The following ZFHX3 variants were observed in gnomAD, a reference collection of about 807,000 sequenced individuals.
ZFHX3 encodes zinc finger homeobox protein 3.
In ZFHX3, 42 loss-of-function variants were observed where a neutral mutation model predicts 279.1. That is an observed-to-expected ratio of 0.15 (90% CI 0.12 to 0.19). ZFHX3 has a LOEUF of 0.19. Ranked by LOEUF, ZFHX3 falls within the 10% of genes least tolerant of loss-of-function variation. The pLI, the probability that ZFHX3 is intolerant of heterozygous loss-of-function variation, is 1.00. For missense variants in ZFHX3, 4,981 were observed against 4,754.0 expected (o/e 1.05, Z -1.40); for synonymous variants, 2,293 against 1,957.8 (o/e 1.17, Z -4.52).
chr16:73,305,997 T>A (rs16971701), intron 4 of ZFHX3, among the ~76,000 whole-genome samples: 2,366 of 152,332 alleles, frequency 0.016, 42 homozygotes, highest in Admixed American at 0.064. Flanking sequence ...GATCTTCAAA[T>A]GCGGATTCTG....
Position 73,207,246 on chromosome 16 carries a change from G to A in ZFHX3, c.-1104+49801C>T, listed in dbSNP as rs559418726. On this transcript the variant is annotated intron_variant, in intron 5 of 17. Coordinates refer to the ZFHX3 transcript ENST00000641206. ...AGCCAGCAAGCACTAGACGACACAC[G>A]GTTCTAGAGCTTCTTGACCAATTAA... Among the ~76,000 whole-genome samples, 126 of 152,124 alleles carry A rather than the reference G, an allele frequency of 8.3e-4. 1 individual carries two copies. Among genetic ancestry groups the A allele is most frequent in the Middle Eastern group, 6.8e-3 (2 of 294 alleles).
At chr16:73,772,742 G>C (rs1170355826) in intron 1 of ZFHX3, among the ~76,000 whole-genome samples, 1 of 152,114 alleles carries the variant, frequency 6.6e-6, no homozygotes, top group Non-Finnish European at 1.5e-5. Context: ...CTGGCCATTT[G>C]ATTCTATAAT....
intron 1 of ZFHX3, among the ~76,000 whole-genome samples, chr16:72,996,356 T>C (rs1014018667): frequency 6.6e-6 from 1 of 151,950 alleles, no homozygotes; most frequent in Non-Finnish European, 1.5e-5. Flanking sequence ...CTTATTTGCA[T>C]GGACAATGAT....
chr16:72,956,423 C>G (rs763779299), intron 2 of ZFHX3, among the ~76,000 whole-genome samples: 12 of 152,180 alleles, frequency 7.9e-5, no homozygotes, highest in Non-Finnish European at 1.6e-4. Flanking sequence ...GGTGGAGGCA[C>G]GAGTGGCCCA....
intron 4 of ZFHX3, among the ~76,000 whole-genome samples, chr16:73,267,192 G>T (rs1301936101): frequency 6.6e-6 from 1 of 152,188 alleles, no homozygotes; most frequent in Non-Finnish European, 1.5e-5. Context: ...GGAGAAGGGG[G>T]TTCTGATGCA....
chr16:73,775,215 C>T (rs930338091), intron 1 of ZFHX3, among the ~76,000 whole-genome samples: 2 of 152,178 alleles, frequency 1.3e-5, no homozygotes, highest in African/African-American at 4.8e-5. Context: ...AACCCTGCTT[C>T]GACTGCAAAG....
intron 1 of ZFHX3, among the ~76,000 whole-genome samples, chr16:73,885,421 T>A (rs1374658983): frequency 6.6e-6 from 1 of 152,198 alleles, no homozygotes; most frequent in Admixed American, 6.6e-5. Flanking sequence ...GCTGAGCTTA[T>A]CCCAGCTGTG....
chr16:73,073,351 C>T (rs1050450582), intron 8 of ZFHX3, among the ~76,000 whole-genome samples: 11 of 152,156 alleles, frequency 7.2e-5, no homozygotes, highest in African/African-American at 1.2e-4. Flanking sequence ...TGGAAGAGGT[C>T]GGTCATAGAT....
At chr16:73,820,522 T>C (rs143869683) in intron 1 of ZFHX3, among the ~76,000 whole-genome samples, 1 of 152,110 alleles carries the variant, frequency 6.6e-6, no homozygotes, top group Non-Finnish European at 1.5e-5. Context: ...TCTGGTCAAC[T>C]GCACATTGAG....
chr16:72,812,182 GA>G lies in ZFHX3; in HGVS notation c.3530-145del, dbSNP rs1374500381. 3.4e-6 allele frequency: 4 copies of G among 1,176,438 alleles called. No individual in the cohort carries two copies. In the African/African-American group the frequency reaches 6.2e-5, roughly 18 times the overall value. The allele number at this position is 1,176,438 out of a possible 1,614,324, so 72.9% of individuals were successfully genotyped here. On this transcript the variant is annotated intron_variant, in intron 5 of 9. Transcript: ENST00000268489. ...TTCAAGAAGGATGAACATCCGGACT[GA>G]TTTATCAAGCATGTTGGAAAAGAAG...
chr16:73,368,894 A>T (rs1426853460), intron 3 of ZFHX3, among the ~76,000 whole-genome samples: 1 of 152,208 alleles, frequency 6.6e-6, no homozygotes, highest in African/African-American at 2.4e-5. Context: ...ACGTCAAGTA[A>T]CTTGCCTAAG....
chr16:73,288,892 G>T (rs998220304), intron 4 of ZFHX3, among the ~76,000 whole-genome samples: 1 of 150,952 alleles, frequency 6.6e-6, no homozygotes, highest in Non-Finnish European at 1.5e-5. Flanking sequence ...GCGGCTCCGC[G>T]ACCCCTCTCT....
At chr16:72,969,834 C>T (rs1485642165) in intron 1 of ZFHX3, among the ~76,000 whole-genome samples, 2 of 152,172 alleles carry the variant, frequency 1.3e-5, no homozygotes, top group Non-Finnish European at 2.9e-5. Context: ...TTAAGCCATA[C>T]ATAGGTGATT....
chr16:72,816,168 T>G (rs1203428032), intron 5 of ZFHX3, among the ~76,000 whole-genome samples: 1 of 152,222 alleles, frequency 6.6e-6, no homozygotes, highest in Non-Finnish European at 1.5e-5. Flanking sequence ...TCATTTTATT[T>G]TTAATATTAC....
At chr16:73,407,845 G>A (rs1172670930) in intron 3 of ZFHX3, among the ~76,000 whole-genome samples, 5 of 152,176 alleles carry the variant, frequency 3.3e-5, no homozygotes, top group Non-Finnish European at 7.3e-5. Context: ...CTGGGGAATC[G>A]TGCAAATGGT....
chr16:73,611,315 G>A (rs2052243909), intron 2 of ZFHX3, among the ~76,000 whole-genome samples: 1 of 152,028 alleles, frequency 6.6e-6, no homozygotes, highest in East Asian at 1.9e-4. Flanking sequence ...ACTCCTGAGG[G>A]CTTTTAGTTT....
intron 3 of ZFHX3, among the ~76,000 whole-genome samples, chr16:73,411,862 A>T (rs1204557438): frequency 3.9e-5 from 6 of 152,160 alleles, no homozygotes; most frequent in Non-Finnish European, 7.3e-5. Context: ...CTCCTTAGAC[A>T]TTTGAGTGTG....
chr16:72,834,846 G>T (rs1462115707), intron 4 of ZFHX3, among the ~76,000 whole-genome samples: 1 of 152,106 alleles, frequency 6.6e-6, no homozygotes, highest in Non-Finnish European at 1.5e-5. Flanking sequence ...AAATAATGGG[G>T]GCCAAGTGAC....
chr16:73,358,621 G>A (rs574990472), intron 3 of ZFHX3, among the ~76,000 whole-genome samples: 63 of 152,290 alleles, frequency 4.1e-4, no homozygotes, highest in African/African-American at 1.4e-3. Flanking sequence ...TAGGTCTTAG[G>A]GTAACTTGTT....
Sources: gnomAD v4.1 joint callset for allele counts (sites outside exome capture counted in the v4.1 genomes callset) on GRCh38, gnomAD v4.1.1 for gene constraint, MANE v1.5 for transcripts, NCBI Gene and HGNC (gene_info 2026-07-23, HGNC 2026-07-21) for gene names.